Variants in PDGFC observed in about 807,000 individuals in gnomAD.
PDGFC encodes the protein platelet-derived growth factor C.
PDGFC carries 12 observed loss-of-function variants against 35.5 expected under a neutral mutation model. The ratio of observed to expected loss-of-function variants is 0.34; its 90% CI spans 0.22 to 0.55. The LOEUF is 0.55. PDGFC is among the 20% of genes least tolerant of loss of function. PDGFC has a pLI of 0.91. For missense variants in PDGFC, 322 were observed against 412.4 expected (o/e 0.78, Z 1.90); for synonymous variants, 159 against 148.8 (o/e 1.07, Z -0.50).
At chr4:156,819,804 T>G (rs777152192) in intron 2 of PDGFC, among the ~76,000 whole-genome samples, 3 of 152,224 alleles carry the variant, frequency 2.0e-5, no homozygotes, top group Non-Finnish European at 4.4e-5. Flanking sequence ...TGGATAGTAA[T>G]TCCTCTGGTG....
intron 3 of PDGFC, among the ~76,000 whole-genome samples, chr4:156,808,265 T>C (rs574447782): frequency 1.3e-5 from 2 of 152,200 alleles, no homozygotes; most frequent in East Asian, 1.9e-4. Flanking sequence ...GTGAATGGCA[T>C]TGTGCTAGGC....
chr4:156,831,994 C>A (rs958561070), intron 2 of PDGFC, among the ~76,000 whole-genome samples: 1 of 152,072 alleles, frequency 6.6e-6, no homozygotes, highest in African/African-American at 2.4e-5. Context: ...ATTACACACA[C>A]CCCATCCTAT....
chr4:156,897,192 T>TA, intron 1 of PDGFC, among the ~76,000 whole-genome samples: 1 of 152,246 alleles, frequency 6.6e-6, no homozygotes, highest in East Asian at 1.9e-4. Context: ...GACATTTGAC[T>TA]AAAAAATAAG....
intron 2 of PDGFC, among the ~76,000 whole-genome samples, chr4:156,845,004 A>T (rs986772574): frequency 6.6e-6 from 1 of 151,976 alleles, no homozygotes; most frequent in African/African-American, 2.4e-5. Context: ...ATTTGAAAAA[A>T]CTAAATATCT....
intron 1 of PDGFC, chr4:156,873,979 C>T (rs1190375953): frequency 6.6e-6 from 1 of 152,212 alleles, no homozygotes; most frequent in East Asian, 1.9e-4. Flanking sequence ...CTGCTCAAAA[C>T]ACTGAAAGCC....
chr4:156,958,088 T>G (rs1436492365), intron 1 of PDGFC, among the ~76,000 whole-genome samples: 1 of 152,018 alleles, frequency 6.6e-6, no homozygotes, highest in East Asian at 1.9e-4. Flanking sequence ...AACATGATAC[T>G]ATCGCTTTTT....
At chr4:156,842,459 T>A (rs1729228634) in intron 2 of PDGFC, among the ~76,000 whole-genome samples, 1 of 151,948 alleles carries the variant, frequency 6.6e-6, no homozygotes, top group African/African-American at 2.4e-5. Context: ...TATCTCCAAC[T>A]AAAACATAAC....
intron 4 of PDGFC, 50 bp from the exon 5 acceptor site, chr4:156,768,040 C>A: frequency 9.4e-7 from 1 of 1,062,908 alleles, no homozygotes; most frequent in Non-Finnish European, 1.5e-6. Context: ...ATGCTTTGAG[C>A]CTGAATGTAT....
At chr4:156,883,878 A>G (rs1366628310) in intron 1 of PDGFC, among the ~76,000 whole-genome samples, 4 of 152,170 alleles carry the variant, frequency 2.6e-5, no homozygotes, top group African/African-American at 9.7e-5. Flanking sequence ...CTCAATTGGC[A>G]TTGACTTATG....
chr4:156,944,545 C>T (rs1731890418), intron 1 of PDGFC, among the ~76,000 whole-genome samples: 1 of 152,152 alleles, frequency 6.6e-6, no homozygotes, highest in Admixed American at 6.5e-5. Flanking sequence ...CATGTGTCCA[C>T]TGTTAGCACG....
chr4:156,866,906 C>G (rs969762940), intron 1 of PDGFC, among the ~76,000 whole-genome samples: 1 of 152,108 alleles, frequency 6.6e-6, no homozygotes, highest in African/African-American at 2.4e-5. Context: ...TCTAATCTTC[C>G]TTGGAGTCAG....
rs199930795 is a variant in PDGFC at position 156,850,122 on chromosome 4, A to T, written c.314+99T>A. The T allele has an allele frequency of 8.2e-4, 492 of 596,376 alleles. 5 individuals are homozygous for T. The East Asian group carries it at 0.014, about 17-fold the overall frequency. 36.9% of individuals were successfully genotyped at this position (596,376 alleles called of 1,614,324 possible). ...ATTTCTTAGATCATCAGAAAAATAA[A>T]ACAAAAGATGTCATTTAAAATCAGA... On this transcript the variant is annotated intron_variant, in intron 2 of 5. Coordinates refer to ENST00000502773, the MANE Select transcript of PDGFC (RefSeq NM_016205.3).
In PDGFC at chr4:156,768,663, ACTC is replaced by A. The variant is rs369914692; in HGVS notation, c.704-676_704-674del. ...TGGAAATTCAGACTAACTAAACTAA[ACTC>A]CTTCAGATACCTATCCTTCCCCTGC... On this transcript the variant is annotated intron_variant, in intron 4 of 5. Coordinates refer to ENST00000502773, the MANE Select transcript of PDGFC (RefSeq NM_016205.3). Among the ~76,000 whole-genome samples the A allele has an allele frequency of 3.1e-3, 479 of 152,076 alleles. 5 individuals carry two copies. The highest frequency in any genetic ancestry group is 0.011 in the African/African-American group (457 of 41,530).
chr4:156,862,719 C>A (rs1302099650), intron 1 of PDGFC, among the ~76,000 whole-genome samples: 1 of 144,422 alleles, frequency 6.9e-6, no homozygotes. Context: ...ATCTTTATCT[C>A]TCTCTCTTTT....
At chr4:156,897,528 T>C (rs1226577476) in intron 1 of PDGFC, among the ~76,000 whole-genome samples, 1 of 152,138 alleles carries the variant, frequency 6.6e-6, no homozygotes, top group Non-Finnish European at 1.5e-5. Context: ...TGAGCCCACC[T>C]TTCCTATCAG....
chr4:156,912,390 G>A (rs1731059090), intron 1 of PDGFC, among the ~76,000 whole-genome samples: 1 of 152,064 alleles, frequency 6.6e-6, no homozygotes, highest in African/African-American at 2.4e-5. Context: ...ATGCACAAAT[G>A]CTTATTAATT....
chr4:156,811,165 A>G, intron 2 of PDGFC, 148 bp from the exon 3 acceptor site: 1 of 468,546 alleles, frequency 2.1e-6, no homozygotes. Context: ...TAAGAATTCT[A>G]AAGAAGAGAC....
At chr4:156,855,657 A>G (rs1729557375) in intron 1 of PDGFC, among the ~76,000 whole-genome samples, 1 of 152,142 alleles carries the variant, frequency 6.6e-6, no homozygotes, top group South Asian at 2.1e-4. Flanking sequence ...CTATAAATTG[A>G]TAATACACAC....
chr4:156,775,589 A>G (rs1341767148), intron 3 of PDGFC, among the ~76,000 whole-genome samples: 1 of 152,186 alleles, frequency 6.6e-6, no homozygotes, highest in African/African-American at 2.4e-5. Context: ...TTGAAGCAAT[A>G]CAAAGTTCTA....
Sources: gnomAD v4.1 joint callset for allele counts (sites outside exome capture counted in the v4.1 genomes callset) on GRCh38, gnomAD v4.1.1 for gene constraint, MANE v1.5 for transcripts, NCBI Gene and HGNC (gene_info 2026-07-23, HGNC 2026-07-21) for gene names.